The following LGSN variants were observed in gnomAD, a reference collection of about 807,000 sequenced individuals.
The protein encoded by LGSN is lengsin.
Under a neutral mutation model 19.5 loss-of-function variants are expected in LGSN, and 21 were observed. The observed-to-expected ratio is 1.07, with a 90% CI of 0.76 to 1.55. LGSN has a LOEUF of 1.55. Among genes scored for constraint, LGSN ranks in the 40% most tolerant of loss-of-function variants. The pLI is 0.00. For missense variants in LGSN, 673 were observed against 608.5 expected (o/e 1.11, Z -1.12); for synonymous variants, 257 against 215.6 (o/e 1.19, Z -1.68).
At chr6:63,540,556 G>C in the LGSN span, among the ~76,000 whole-genome samples, 7 of 152,072 alleles carry the variant, frequency 4.6e-5, no homozygotes, top group African/African-American at 1.4e-4. Context: ...AGGAGGCGGA[G>C]GTTGCAGTAA....
At chr6:63,319,163 A>G (rs547767397) in intron 1 of LGSN, among the ~76,000 whole-genome samples, 1 of 152,328 alleles carries the variant, frequency 6.6e-6, no homozygotes, top group East Asian at 1.9e-4. Flanking sequence ...CTTCTCCACT[A>G]CATGCAAAAG....
chr6:63,517,934 C>T, the LGSN span, among the ~76,000 whole-genome samples: 1 of 152,114 alleles, frequency 6.6e-6, no homozygotes, highest in Admixed American at 6.6e-5. Flanking sequence ...AAGTGGATCA[C>T]CTGAGGTCAG....
At chr6:63,408,169 GA>G in the LGSN span, among the ~76,000 whole-genome samples, 10 of 152,158 alleles carry the variant, frequency 6.6e-5, no homozygotes, top group South Asian at 4.2e-4. Context: ...TGCAGAATTG[GA>G]AAAAACTACT....
the LGSN span, among the ~76,000 whole-genome samples, chr6:63,428,114 T>C: frequency 6.6e-6 from 1 of 152,178 alleles, no homozygotes; most frequent in African/African-American, 2.4e-5. Flanking sequence ...CCAGTTGCTG[T>C]AGGTGTTTAT....
chr6:63,343,766 T>G, the LGSN span, among the ~76,000 whole-genome samples: 1 of 152,228 alleles, frequency 6.6e-6, no homozygotes, highest in Non-Finnish European at 1.5e-5. Flanking sequence ...CCACTGATTT[T>G]AAAATACAAA....
chr6:63,418,022 C>G, the LGSN span, among the ~76,000 whole-genome samples: 7 of 151,942 alleles, frequency 4.6e-5, no homozygotes, highest in Admixed American at 4.6e-4. Context: ...GGAGATAAAC[C>G]CCCAAACAAC....
the LGSN span, among the ~76,000 whole-genome samples, chr6:63,452,700 G>A: frequency 6.7e-6 from 1 of 149,552 alleles, no homozygotes; most frequent in African/African-American, 2.4e-5. Flanking sequence ...CTGTCAGTCT[G>A]GCTACAAGTT....
chr6:63,333,140 T>C, the LGSN span, among the ~76,000 whole-genome samples: 2 of 152,028 alleles, frequency 1.3e-5, no homozygotes, highest in African/African-American at 4.8e-5. Context: ...GGGTTCCCCC[T>C]GCTGGCTCAG....
chr6:63,412,104 C>T, the LGSN span, among the ~76,000 whole-genome samples: 1,292 of 152,100 alleles, frequency 8.5e-3, 22 homozygotes, highest in African/African-American at 0.03. Flanking sequence ...AAGTGGCTTA[C>T]GCCTGTAATC....
chr6:63,344,547 G>C, the LGSN span, among the ~76,000 whole-genome samples: 2 of 152,136 alleles, frequency 1.3e-5, no homozygotes, highest in Admixed American at 1.3e-4. Flanking sequence ...GAGTTCCCAT[G>C]ATGATGGCTG....
rs79942209 is a variant in LGSN at position 63,318,269 on chromosome 6, G to T, written c.30+1645C>A. On this transcript the variant is annotated intron_variant, in intron 1 of 3. Coordinates refer to ENST00000370657, the MANE Select transcript of LGSN (RefSeq NM_016571.3). ...TCTCCATATACACAATCTGCCCTTCGGAATCCACTGAGCTTTTGTTCAGCT... is the reference window on the plus strand; with the variant it reads ...TCTCCATATACACAATCTGCCCTTCTGAATCCACTGAGCTTTTGTTCAGCT... Among the ~76,000 whole-genome samples the T allele has an allele frequency of 6.4e-4, 97 of 152,248 alleles. No individual in the cohort carries two copies. The East Asian group carries it at 0.018, about 28-fold the overall frequency.
At chr6:63,445,658 T>A in the LGSN span, among the ~76,000 whole-genome samples, 1 of 152,106 alleles carries the variant, frequency 6.6e-6, no homozygotes, top group Non-Finnish European at 1.5e-5. Flanking sequence ...TCTCATGCCT[T>A]GTATAAGAAT....
At chr6:63,461,363 C>T in the LGSN span, among the ~76,000 whole-genome samples, 2 of 152,166 alleles carry the variant, frequency 1.3e-5, no homozygotes, top group Non-Finnish European at 2.9e-5. Context: ...TGTCTGTGCT[C>T]TTTTGGTTTT....
At chr6:63,548,685 A>G in the LGSN span, 1 of 519,460 alleles carries the variant, frequency 1.9e-6, no homozygotes, top group African/African-American at 1.9e-5. Flanking sequence ...ATTTTTATGT[A>G]CAGAAAACTC....
At chr6:63,564,384 A>G in the LGSN span, among the ~76,000 whole-genome samples, 1 of 152,250 alleles carries the variant, frequency 6.6e-6, no homozygotes, top group Non-Finnish European at 1.5e-5. Context: ...GAAGATAGCA[A>G]CGTTTGTTGA....
chr6:63,528,772 C>A, the LGSN span, among the ~76,000 whole-genome samples: 1 of 150,926 alleles, frequency 6.6e-6, no homozygotes, highest in African/African-American at 2.4e-5. Context: ...CAAAAAAAAG[C>A]AAGGTTTAAT....
chr6:63,563,940 T>C, the LGSN span, among the ~76,000 whole-genome samples: 2 of 152,214 alleles, frequency 1.3e-5, no homozygotes, highest in East Asian at 3.8e-4. Flanking sequence ...GGTTGAGTAT[T>C]TACTATGTGC....
the LGSN span, among the ~76,000 whole-genome samples, chr6:63,478,221 G>T: frequency 2.0e-5 from 3 of 152,060 alleles, no homozygotes; most frequent in Non-Finnish European, 2.9e-5. Flanking sequence ...AAACCAAAAA[G>T]GCTATTAGAG....
chr6:63,381,791 A>T, the LGSN span, among the ~76,000 whole-genome samples: 1 of 152,224 alleles, frequency 6.6e-6, no homozygotes, highest in African/African-American at 2.4e-5. Flanking sequence ...ACAGCAAGCA[A>T]TGGAGCTCAG....
Sources: allele counts gnomAD v4.1 joint callset (sites outside exome capture counted in the v4.1 genomes callset), GRCh38; gene constraint gnomAD v4.1.1; transcripts MANE v1.5; gene names NCBI Gene and HGNC (gene_info 2026-07-23, HGNC 2026-07-21).